Variants in DNAH17 observed in about 807,000 individuals in gnomAD.
DNAH17 encodes dynein axonemal heavy chain 17, also known as axonemal beta dynein heavy chain 17.
Under a neutral mutation model 485.6 loss-of-function variants are expected in DNAH17, and 376 were observed. The ratio of observed to expected loss-of-function variants is 0.77; its 90% CI spans 0.71 to 0.84. The LOEUF is 0.84. Ranked by LOEUF, DNAH17 falls within the 40% of genes least tolerant of loss-of-function variation. The pLI is 0.00. For synonymous variants in DNAH17, 3,031 were observed against 2,405.9 expected, an observed-to-expected ratio of 1.26 and a Z score of -7.60; for missense variants, 6,370 against 5,839.3, an observed-to-expected ratio of 1.09 and a Z score of -2.96.
At position 78,507,683 on chromosome 17, in the gene DNAH17, C is replaced by G. The variant is rs759797705; in HGVS notation, c.4359G>C (p.Gln1453His). Residue 1453 changes from glutamine (Q) to histidine (H), a missense_variant, in exon 28 of 81, where the codon CAG (glutamine) becomes CAC (histidine). Transcript: ENST00000389840. ...EVLVETLEDN[Q>H]VQLQNLMMSK... ...ACATCATCAGGTTCTGCAGCTGCAC[C>G]TGGTTGTCCTCCAGCGTCTCCACCA... 1.2e-6 allele frequency: 2 copies of G among 1,612,478 alleles called. No individual in the cohort carries two copies. Among genetic ancestry groups the G allele is most frequent in the Non-Finnish European group, 1.7e-6 (2 of 1,179,898 alleles).
At chr17:78,479,376 G>A in intron 50 of DNAH17, 109 bp downstream of exon 50, 1 of 1,325,396 alleles carries the variant, frequency 7.5e-7, no homozygotes, top group Admixed American at 3.0e-5. Flanking sequence ...TTAAGATATT[G>A]ATTTAGAATT....
chr17:78,506,865 G>T lies in DNAH17; in HGVS notation c.4677-19C>A. On this transcript the variant is annotated intron_variant, in intron 29 of 80. Coordinates refer to ENST00000389840, the MANE Select transcript of DNAH17 (RefSeq NM_173628.4). ...GGCCAAGCTGGGAGGAAGGAAGGAA[G>T]TAGAGGAGGCCGGTGACCCTACTCT... 1.2e-6 allele frequency: 2 copies of T among 1,613,834 alleles called. No individual in the cohort carries two copies. The highest frequency in any genetic ancestry group is 1.7e-6 in the Non-Finnish European group (2 of 1,179,838).
intron 11 of DNAH17, among the ~76,000 whole-genome samples, chr17:78,565,970 AAAAC>A (rs2092258525): frequency 6.6e-6 from 1 of 151,310 alleles, no homozygotes; most frequent in Non-Finnish European, 1.5e-5. Flanking sequence ...ACAAACAACA[AAAAC>A]AAAACAAAAC....
chr17:78,560,608 C>T, intron 13 of DNAH17, 132 bp downstream of exon 13: 2 of 993,184 alleles, frequency 2.0e-6, no homozygotes, highest in Non-Finnish European at 2.9e-6. Context: ...CCTGGACACA[C>T]TTAAGAAGTA....
Position 78,494,824 on chromosome 17 carries a change from C to T in DNAH17, c.6043-4G>A, listed in dbSNP as rs573688972. ...TCAGGCCCCAGTCGTAATGATCCTG[C>T]GGGCAGTGGGCACAGGTGGGCAGAC... On this transcript the variant is annotated splice_polypyrimidine_tract_variant and splice_region_variant and intron_variant, in intron 39 of 80. Coordinates refer to ENST00000389840, the MANE Select transcript of DNAH17 (RefSeq NM_173628.4). The T allele has an allele frequency of 1.8e-5, 28 of 1,597,218 alleles. No individual in the cohort carries two copies. The highest frequency in any genetic ancestry group is 1.7e-4 in the Middle Eastern group (1 of 5,980).
In DNAH17 at chr17:78,484,957, G is replaced by T; in HGVS notation, c.7560C>A (p.Phe2520Leu). Reference sequence around the variant, plus strand: ...CCTCGGGCATGTTCATGTCGTCGATGAAGTAGACGAGCTTCTTAGTGCCTG... The same window carrying T: ...CCTCGGGCATGTTCATGTCGTCGATTAAGTAGACGAGCTTCTTAGTGCCTG... Reference protein sequence around the residue: ...GPPGTKKLVYFIDDMNMPEVD... With the variant: ...GPPGTKKLVYLIDDMNMPEVD... The change falls in exon 48 of 81, where the codon TTC (phenylalanine) becomes TTA (leucine). Residue 2520 changes from phenylalanine to leucine, a missense_variant. By Grantham distance (22) the Phe-to-Leu change is conservative. Transcript: ENST00000389840. The T allele has an allele frequency of 6.2e-7, 1 of 1,613,096 alleles. No individual in the cohort carries two copies. The highest frequency in any genetic ancestry group is 8.5e-7 in the Non-Finnish European group (1 of 1,179,486).
At chr17:78,482,671 A>G (rs74001366) in intron 48 of DNAH17, among the ~76,000 whole-genome samples, 4,521 of 152,006 alleles carry the variant, frequency 0.03, 212 homozygotes, top group African/African-American at 0.1. Flanking sequence ...CTGCGGGCCC[A>G]TCCTTCCCAC....
chr17:78,440,988 C>T, intron 72 of DNAH17, 63 bp downstream of exon 72: 2 of 1,546,288 alleles, frequency 1.3e-6, no homozygotes, highest in Non-Finnish European at 1.7e-6. Flanking sequence ...GTGCATTTTC[C>T]TGGTGCCTGG....
Position 78,437,754 on chromosome 17 carries a change from G to A in DNAH17, c.11920C>T (p.Pro3974Ser), listed in dbSNP as rs1439493720. 2 of 1,612,444 alleles carry A rather than the reference G, an allele frequency of 1.2e-6. No individual in the cohort carries two copies. The highest frequency in any genetic ancestry group is 8.5e-7 in the Non-Finnish European group (1 of 1,179,674). ...CCCTGGGGGATGATGTGGGTCTCGGGGCTGGGGGCAGGCTCCGCGCTGATG... is the reference window on the plus strand; with the variant it reads ...CCCTGGGGGATGATGTGGGTCTCGGAGCTGGGGGCAGGCTCCGCGCTGATG... ...VFISAEPAPSPETHIIPQGIL... is the reference protein window; with the variant it reads ...VFISAEPAPSSETHIIPQGIL... The change falls in exon 74 of 81, where the codon CCC becomes TCC. Residue 3974 changes from proline to serine, a missense_variant. Transcript: ENST00000389840.
In DNAH17 at chr17:78,565,680, G is replaced by A. The variant is rs557661088; in HGVS notation, c.1569+934C>T. The stretch of plus-strand genomic sequence containing the variant: ...TACAGAAACAAAAAGTAGGCCAGGC[G>A]TGGTAGCTCACGCCTGTAATCCCAG... On this transcript the variant is annotated intron_variant, in intron 11 of 80. Coordinates refer to ENST00000389840, the MANE Select transcript of DNAH17 (RefSeq NM_173628.4). Among the ~76,000 whole-genome samples the A allele has an allele frequency of 5.9e-5, 9 of 152,306 alleles. No homozygotes were observed. The East Asian group carries it at 7.7e-4, about 13-fold the overall frequency.
At chr17:78,534,270 G>A (rs541913111) in intron 19 of DNAH17, among the ~76,000 whole-genome samples, 5 of 152,342 alleles carry the variant, frequency 3.3e-5, no homozygotes, top group African/African-American at 9.6e-5. Context: ...ACCCAGATGT[G>A]CATGGAGATC....
intron 11 of DNAH17, among the ~76,000 whole-genome samples, chr17:78,563,412 G>A (rs1028457433): frequency 3.3e-5 from 5 of 151,878 alleles, no homozygotes; most frequent in Admixed American, 6.6e-5. Flanking sequence ...AAAAAAAAAT[G>A]TTCCTCTTAA....
At chr17:78,488,178 T>A (rs1421750225) in intron 44 of DNAH17, among the ~76,000 whole-genome samples, 1 of 152,212 alleles carries the variant, frequency 6.6e-6, no homozygotes, top group African/African-American at 2.4e-5. Flanking sequence ...GTCTCTGATA[T>A]GCGTAGCACA....
chr17:78,537,309 A>T lies in DNAH17; in HGVS notation c.2849T>A (p.Met950Lys). Reference sequence around the variant, plus strand: ...GAGGCCAGGACTGACCTTGTAGTTCATCCTGTCCTTGGCCAGCCGAGGGAT... The same window carrying T: ...GAGGCCAGGACTGACCTTGTAGTTCTTCCTGTCCTTGGCCAGCCGAGGGAT... ...RLIPRLAKDRMNYKMDLEDNT... is the reference protein window; with the variant it reads ...RLIPRLAKDRKNYKMDLEDNT... The change falls in exon 19 of 81, where the codon ATG becomes AAG. Residue 950 changes from methionine (M) to lysine (K), a missense_variant. Coordinates refer to ENST00000389840, the MANE Select transcript of DNAH17 (RefSeq NM_173628.4). 1.9e-6 allele frequency: 3 copies of T among 1,565,606 alleles called. No individual in the cohort carries two copies. The highest frequency in any genetic ancestry group is 2.6e-6 in the Non-Finnish European group (3 of 1,155,212).
intron 74 of DNAH17, among the ~76,000 whole-genome samples, chr17:78,435,240 G>A (rs1056631828): frequency 6.6e-6 from 1 of 152,160 alleles, no homozygotes; most frequent in Non-Finnish European, 1.5e-5. Context: ...CCAAGGACAA[G>A]GGAAGGCCTG....
Position 78,460,436 on chromosome 17 carries a change from G to A in DNAH17, c.9340-179C>T, listed in dbSNP as rs140141245. ...TGCATGTATGTGTATGTGCATCCAT[G>A]TGCATATGTGCATGTGTAGGCAGCA... On this transcript the variant is annotated intron_variant, in intron 58 of 80. Coordinates refer to ENST00000389840, the MANE Select transcript of DNAH17 (RefSeq NM_173628.4). 3.1e-3 allele frequency among the ~76,000 whole-genome samples: 466 copies of A among 152,288 alleles called. 4 individuals carry two copies. The highest frequency in any genetic ancestry group is 0.011 in the African/African-American group (453 of 41,590).
chr17:78,569,902 G>GA (rs2092325994), intron 7 of DNAH17, among the ~76,000 whole-genome samples: 1 of 152,214 alleles, frequency 6.6e-6, no homozygotes, highest in African/African-American at 2.4e-5. Context: ...TTATGAATGG[G>GA]AAGAAGGAAA....
chr17:78,494,626 G>T lies in DNAH17; in HGVS notation c.6237C>A (p.Asp2079Glu), dbSNP rs747921690. Residue 2079 changes from aspartate to glutamate, a missense_variant, in exon 40 of 81, where the codon GAC becomes GAA. Asp to Glu is a conservative substitution (Grantham distance 45, BLOSUM62 2). Transcript: ENST00000389840. ...GLIGDLFPAL[D>E]VPRKRDLNFE... ...AATTCAGGTCCCGTTTCCGAGGCAC[G>T]TCCAGAGCCGGGAAGAGGTCCCCGA... is the stretch of plus-strand genomic sequence containing the variant. The T allele has an allele frequency of 6.2e-7, 1 of 1,613,882 alleles. No homozygotes were observed. The highest frequency in any genetic ancestry group is 8.5e-7 in the Non-Finnish European group (1 of 1,179,890).
chr17:78,458,811 G>C (rs1193469857), intron 61 of DNAH17, 131 bp from the exon 62 acceptor site: 3 of 1,045,534 alleles, frequency 2.9e-6, no homozygotes, highest in Middle Eastern at 2.3e-4. Context: ...GAGCCCTCTG[G>C]AGCATGGAGG....
Sources: gnomAD v4.1 joint callset for allele counts (sites outside exome capture counted in the v4.1 genomes callset) on GRCh38, gnomAD v4.1.1 for gene constraint, MANE v1.5 for transcripts, NCBI Gene and HGNC (gene_info 2026-07-23, HGNC 2026-07-21) for gene names.